SNX29: variants seen among roughly 807,000 people sequenced by gnomAD.
SNX29 encodes the protein sorting nexin 29.
SNX29 carries 78 observed loss-of-function variants against 102.1 expected under a neutral mutation model. The ratio of observed to expected loss-of-function variants is 0.76; its 90% CI spans 0.64 to 0.92. The LOEUF is 0.92. SNX29 is among the 40% of genes least tolerant of loss of function. The probability of loss-of-function intolerance (pLI) is 0.00; values close to 1 mark genes in which losing one functional copy is unlikely to be tolerated. For missense variants in SNX29, 1,280 were observed against 1,061.7 expected, an observed-to-expected ratio of 1.21 and a Z score of -2.86; for synonymous variants, 580 against 414.5, an observed-to-expected ratio of 1.40 and a Z score of -4.85.
intron 1 of SNX29, among the ~76,000 whole-genome samples, chr16:11,998,660 T>C (rs1182257714): frequency 1.3e-5 from 2 of 152,186 alleles, no homozygotes; most frequent in Admixed American, 6.6e-5. Context: ...GAGGGAGTGA[T>C]GCTCTGCATA....
chr16:12,386,898 G>A (rs949791991), intron 16 of SNX29, among the ~76,000 whole-genome samples: 5 of 151,914 alleles, frequency 3.3e-5, no homozygotes, highest in Non-Finnish European at 5.9e-5. Context: ...GCCAAGGCGG[G>A]TGGATCACTT....
chr16:12,255,884 A>G (rs925846478), intron 14 of SNX29, among the ~76,000 whole-genome samples: 7 of 152,190 alleles, frequency 4.6e-5, no homozygotes, highest in African/African-American at 1.7e-4. Flanking sequence ...TTTCCTTTGG[A>G]TAAATATGCA....
At chr16:12,097,954 G>A (rs917043043) in intron 11 of SNX29, among the ~76,000 whole-genome samples, 2 of 152,240 alleles carry the variant, frequency 1.3e-5, no homozygotes, top group African/African-American at 4.8e-5. Flanking sequence ...TGGGGGAGCT[G>A]CACCGCCCTG....
chr16:12,161,943 T>C (rs1424044793), intron 13 of SNX29, among the ~76,000 whole-genome samples: 1 of 152,228 alleles, frequency 6.6e-6, no homozygotes, highest in Non-Finnish European at 1.5e-5. Flanking sequence ...CAGGTATTCC[T>C]GATGAGCAAT....
intron 1 of SNX29, among the ~76,000 whole-genome samples, chr16:11,990,173 C>A (rs2055793518): frequency 6.6e-6 from 1 of 152,082 alleles, no homozygotes; most frequent in South Asian, 2.1e-4. Flanking sequence ...GGCCTGGCCC[C>A]AGGTGTGTTG....
intron 20 of SNX29, among the ~76,000 whole-genome samples, chr16:12,553,455 C>T (rs76479978): frequency 3.3e-5 from 5 of 152,014 alleles, no homozygotes; most frequent in African/African-American, 9.7e-5. Context: ...ATGGTGTAGA[C>T]CAGCTCAGAC....
At chr16:12,190,968 T>G (rs2076627387) in intron 13 of SNX29, among the ~76,000 whole-genome samples, 1 of 152,130 alleles carries the variant, frequency 6.6e-6, no homozygotes. Flanking sequence ...CTCTTAGGAT[T>G]GATTGTTTCA....
At chr16:12,026,628 C>T (rs945411439) in intron 3 of SNX29, among the ~76,000 whole-genome samples, 3 of 152,178 alleles carry the variant, frequency 2.0e-5, no homozygotes, top group Non-Finnish European at 4.4e-5. Flanking sequence ...CAATTAAATG[C>T]ACAGTAATTG....
chr16:12,362,866 T>A (rs1022708532), intron 16 of SNX29, among the ~76,000 whole-genome samples: 1 of 152,180 alleles, frequency 6.6e-6, no homozygotes, highest in African/African-American at 2.4e-5. Context: ...AGTTTTTGTT[T>A]CTTTCTGCTC....
intron 19 of SNX29, among the ~76,000 whole-genome samples, chr16:12,491,654 T>C (rs1410235381): frequency 6.6e-6 from 1 of 152,178 alleles, no homozygotes; most frequent in Non-Finnish European, 1.5e-5. Context: ...GCATTAGGTA[T>C]ATCTCCTAAT....
chr16:12,187,927 T>A (rs2076551116), intron 13 of SNX29, among the ~76,000 whole-genome samples: 2 of 152,138 alleles, frequency 1.3e-5, no homozygotes, highest in African/African-American at 4.8e-5. Flanking sequence ...GATAATCATT[T>A]TCTGAAGTGG....
chr16:12,560,036 TAC>T (rs1365594336), intron 20 of SNX29, among the ~76,000 whole-genome samples: 7 of 152,002 alleles, frequency 4.6e-5, no homozygotes, highest in African/African-American at 1.5e-4. Context: ...GTATGACAAA[TAC>T]ACAAAGAAAA....
chr16:12,552,966 T>C (rs1252932792), intron 20 of SNX29, among the ~76,000 whole-genome samples: 1 of 152,214 alleles, frequency 6.6e-6, no homozygotes, highest in Non-Finnish European at 1.5e-5. Context: ...ATGGATTGTA[T>C]TGAGTGCAGC....
rs1055057486 is a variant in SNX29 at position 12,570,340 on chromosome 16, A to G, written c.*1711A>G. 2.0e-5 allele frequency: 14 copies of G among 707,964 alleles called. No homozygotes were observed. In the African/African-American group the frequency reaches 2.4e-4, roughly 12 times the overall value. The allele number at this position is 707,964 out of a possible 1,614,324, so 43.9% of individuals were successfully genotyped here. On this transcript the variant is annotated 3_prime_UTR_variant, in exon 21 of 21. Transcript: ENST00000566228. ...GTAAAGGCAACTTGGTCTCCCTCCC[A>G]CTCACCTGCCAACATTGCTGCAATA...
intron 20 of SNX29, among the ~76,000 whole-genome samples, chr16:12,529,881 C>G (rs562392133): frequency 6.6e-6 from 1 of 152,116 alleles, no homozygotes; most frequent in South Asian, 2.1e-4. Context: ...TTTTGACTTC[C>G]CTTGTTTTGT....
At position 12,061,516 on chromosome 16, in the gene SNX29, C is replaced by T; in HGVS notation, c.1125-12C>T. 6.3e-7 allele frequency: 1 copy of T among 1,581,376 alleles called. No homozygotes were observed. Among genetic ancestry groups the T allele is most frequent in the Non-Finnish European group, 8.6e-7 (1 of 1,164,942 alleles). On this transcript the variant is annotated splice_polypyrimidine_tract_variant and intron_variant, in intron 8 of 20. Coordinates refer to ENST00000566228, the MANE Select transcript of SNX29 (RefSeq NM_032167.5). ...CTTTGGCCTGTCCTGCAGCTGTATT[C>T]TTTCACCTTAGGCCACTGGAAGGGA... is the stretch of plus-strand genomic sequence containing the variant.
chr16:12,244,118 C>T (rs759549308), intron 14 of SNX29, among the ~76,000 whole-genome samples: 2 of 152,158 alleles, frequency 1.3e-5, no homozygotes, highest in Non-Finnish European at 2.9e-5. Context: ...TCTAATGCCA[C>T]CTCTGATCTG....
intron 11 of SNX29, among the ~76,000 whole-genome samples, chr16:12,097,799 G>T (rs2052833628): frequency 1.3e-5 from 2 of 152,202 alleles, no homozygotes; most frequent in Non-Finnish European, 2.9e-5. Flanking sequence ...CAGGGGATGA[G>T]ACGCGGTCAG....
chr16:12,565,385 C>T (rs574901263), intron 20 of SNX29, among the ~76,000 whole-genome samples: 113 of 152,326 alleles, frequency 7.4e-4, no homozygotes, highest in African/African-American at 2.6e-3. Flanking sequence ...CAGATTTCCG[C>T]AGGTGTCATC....
Sources: allele counts gnomAD v4.1 joint callset (sites outside exome capture counted in the v4.1 genomes callset), GRCh38; gene constraint gnomAD v4.1.1; transcripts MANE v1.5; gene names NCBI Gene and HGNC (gene_info 2026-07-23, HGNC 2026-07-21).